Variants in ABLIM3 observed in about 807,000 individuals in gnomAD.
ABLIM3 encodes the protein actin binding LIM protein family member 3.
In ABLIM3, 61 loss-of-function variants were observed where a neutral mutation model predicts 109.5. The ratio of observed to expected loss-of-function variants is 0.56; its 90% CI spans 0.45 to 0.69. ABLIM3 has a LOEUF of 0.69. ABLIM3 is among the 30% of genes least tolerant of loss of function. The pLI is 0.00. For missense variants in ABLIM3, 796 were observed against 889.5 expected (o/e 0.89, Z 1.34); for synonymous variants, 300 against 324.8 (o/e 0.92, Z 0.82).
chr5:149,194,942 A>G (rs773124758), intron 3 of ABLIM3, among the ~76,000 whole-genome samples: 44 of 152,210 alleles, frequency 2.9e-4, no homozygotes, highest in Admixed American at 6.5e-5. Context: ...ATACATACAT[A>G]TTCTATACAT....
intron 2 of ABLIM3, among the ~76,000 whole-genome samples, chr5:149,154,483 A>G (rs1229577796): frequency 6.6e-6 from 1 of 152,238 alleles, no homozygotes; most frequent in Non-Finnish European, 1.5e-5. Context: ...GAAATTCCTT[A>G]GACTCAGACT....
At chr5:149,244,357 G>A (rs1436479267) in intron 15 of ABLIM3, 7 of 156,608 alleles carry the variant, frequency 4.5e-5, no homozygotes, top group Admixed American at 6.1e-5. Flanking sequence ...CAGAACCCAG[G>A]TTTGCTGACT....
chr5:149,202,170 T>G (rs999813472), intron 5 of ABLIM3, among the ~76,000 whole-genome samples: 4 of 152,224 alleles, frequency 2.6e-5, no homozygotes, highest in Admixed American at 6.5e-5. Context: ...GTGCTACACC[T>G]ATCACCTACT....
At chr5:149,214,806 C>G (rs1000180359) in intron 7 of ABLIM3, among the ~76,000 whole-genome samples, 6 of 152,202 alleles carry the variant, frequency 3.9e-5, no homozygotes, top group African/African-American at 1.4e-4. Flanking sequence ...CCATCCCTGT[C>G]TGTTTCCTCA....
At chr5:149,200,932 G>A (rs1425693374) in intron 5 of ABLIM3, among the ~76,000 whole-genome samples, 1 of 152,088 alleles carries the variant, frequency 6.6e-6, no homozygotes, top group Non-Finnish European at 1.5e-5. Context: ...CAAATGTCTG[G>A]GCTCACCCTG....
chr5:149,183,948 TTTTG>T (rs1756709008), intron 3 of ABLIM3, among the ~76,000 whole-genome samples: 1 of 148,626 alleles, frequency 6.7e-6, no homozygotes, highest in Non-Finnish European at 1.5e-5. Flanking sequence ...AGATAGTTTT[TTTTG>T]TTTGTTTTTT....
intron 2 of ABLIM3, among the ~76,000 whole-genome samples, chr5:149,148,404 C>T (rs772301618): frequency 6.6e-6 from 1 of 152,134 alleles, no homozygotes; most frequent in African/African-American, 2.4e-5. Context: ...ACACTCGCTT[C>T]GCTGAAGGAC....
chr5:149,249,739 C>T, intron 18 of ABLIM3, 76 bp from the exon 19 acceptor site: 1 of 1,581,624 alleles, frequency 6.3e-7, no homozygotes, highest in Non-Finnish European at 8.7e-7. Context: ...AGCCACATCT[C>T]TTTGTCCCCA....
intron 2 of ABLIM3, among the ~76,000 whole-genome samples, chr5:149,151,047 G>C (rs950141399): frequency 1.3e-5 from 2 of 152,236 alleles, no homozygotes; most frequent in African/African-American, 4.8e-5. Flanking sequence ...CTGCACCAAA[G>C]TGCTACAAAC....
intron 15 of ABLIM3, chr5:149,244,554 G>A (rs750066350): frequency 2.4e-5 from 8 of 333,334 alleles, no homozygotes; most frequent in Non-Finnish European, 4.0e-5. Context: ...ACCCTTAGAG[G>A]TCATTCTGGA....
At chr5:149,177,619 T>C (rs1756061830) in intron 2 of ABLIM3, among the ~76,000 whole-genome samples, 1 of 152,102 alleles carries the variant, frequency 6.6e-6, no homozygotes, top group Non-Finnish European at 1.5e-5. Flanking sequence ...TTGCTTATAG[T>C]GGTGAATGGT....
intron 15 of ABLIM3, chr5:149,244,613 A>T: frequency 2.1e-6 from 1 of 476,886 alleles, no homozygotes; most frequent in South Asian, 2.5e-5. Flanking sequence ...CTGGGCTGGG[A>T]TCTGGTCCAG....
chr5:149,224,584 C>T (rs1266202070), intron 8 of ABLIM3, among the ~76,000 whole-genome samples: 2 of 152,192 alleles, frequency 1.3e-5, no homozygotes, highest in Non-Finnish European at 2.9e-5. Context: ...GCAGCCCCCT[C>T]GCTCACCCAG....
intron 8 of ABLIM3, among the ~76,000 whole-genome samples, chr5:149,229,880 C>T (rs1313137932): frequency 6.6e-6 from 1 of 152,196 alleles, no homozygotes; most frequent in African/African-American, 2.4e-5. Flanking sequence ...ACTGGACCCC[C>T]ACCCACAATA....
chr5:149,212,512 G>A (rs938566869), intron 7 of ABLIM3, among the ~76,000 whole-genome samples: 3 of 152,120 alleles, frequency 2.0e-5, no homozygotes, highest in African/African-American at 7.2e-5. Flanking sequence ...GAGTGAGGAG[G>A]CCCCTGCGTG....
rs1762322566 is a variant in ABLIM3 at position 149,236,096 on chromosome 5, G to A, written c.889-1352G>A. On this transcript the variant is annotated intron_variant, in intron 10 of 23. Transcript: ENST00000309868. ...TAGTCTCTGCTGGTGCATCCCATTGGCTAAACCCAACTGAAAGTCAGAGAG... is the reference window on the plus strand; with the variant it reads ...TAGTCTCTGCTGGTGCATCCCATTGACTAAACCCAACTGAAAGTCAGAGAG... 5.9e-5 allele frequency among the ~76,000 whole-genome samples: 9 copies of A among 152,220 alleles called. No individual in the cohort carries two copies. The South Asian group carries it at 1.9e-3, about 32-fold the overall frequency.
chr5:149,239,439 G>T (rs1752567749), intron 12 of ABLIM3, among the ~76,000 whole-genome samples, 162 bp downstream of exon 12: 1 of 152,180 alleles, frequency 6.6e-6, no homozygotes, highest in Non-Finnish European at 1.5e-5. Context: ...GGAGGAAGTG[G>T]TAGTGGCATA....
intron 8 of ABLIM3, 146 bp downstream of exon 8, chr5:149,217,192 C>T (rs887936260): frequency 4.0e-6 from 3 of 751,552 alleles, no homozygotes; most frequent in African/African-American, 1.7e-5. Context: ...TTAATTGGCC[C>T]CTCTCTGGGT....
At chr5:149,247,211 G>A (rs1405191595) in intron 17 of ABLIM3, among the ~76,000 whole-genome samples, 1 of 152,214 alleles carries the variant, frequency 6.6e-6, no homozygotes, top group African/African-American at 2.4e-5. Context: ...GTCGCATATT[G>A]TGTGATTCCA....
Sources: allele counts gnomAD v4.1 joint callset (sites outside exome capture counted in the v4.1 genomes callset), GRCh38; gene constraint gnomAD v4.1.1; transcripts MANE v1.5; gene names NCBI Gene and HGNC (gene_info 2026-07-23, HGNC 2026-07-21).